The following ARL6 variants were observed in gnomAD, a reference collection of about 807,000 sequenced individuals.
ARL6 encodes ADP-ribosylation factor-like protein 6.
In ARL6, 18 loss-of-function variants were observed where a neutral mutation model predicts 27.1. That is an observed-to-expected ratio of 0.66 (90% confidence interval 0.46 to 0.98). ARL6 has a LOEUF of 0.98. Among genes scored for constraint, ARL6 ranks in the 50% least tolerant of loss-of-function variants. ARL6 has a pLI of 0.00. For missense variants in ARL6, 187 were observed against 214.9 expected (o/e 0.87, Z 0.81); for synonymous variants, 65 against 72.3 (o/e 0.90, Z 0.51).
Position 97,795,646 on chromosome 3 carries a change from G to A in ARL6, c.536-2378G>A, listed in dbSNP as rs2037965551. On this transcript the variant is annotated intron_variant, in intron 7 of 7. Coordinates refer to ENST00000463745, the MANE Select transcript of ARL6 (RefSeq NM_001278293.3). ...AGCTGAATCTTAAACTACCAGTGGG[G>A]AAAGCTGAAAAGCAGCCTAATTTAC... Among the ~76,000 whole-genome samples, 3 of 152,152 alleles carry A rather than the reference G, an allele frequency of 2.0e-5. No homozygotes were observed. The South Asian group carries it at 6.2e-4, about 32-fold the overall frequency.
chr3:97,771,235 T>C (rs2036622752), intron 2 of ARL6, among the ~76,000 whole-genome samples: 1 of 151,902 alleles, frequency 6.6e-6, no homozygotes, highest in South Asian at 2.1e-4. Flanking sequence ...AGATCTTTGG[T>C]TGGATTTATT....
intron 7 of ARL6, among the ~76,000 whole-genome samples, chr3:97,795,089 ATAAAGT>A (rs2037937051): frequency 6.6e-6 from 1 of 152,210 alleles, no homozygotes; most frequent in South Asian, 2.1e-4. Context: ...AAATTTAAAA[ATAAAGT>A]TTAAGGTTAG....
At chr3:97,777,007 C>T (rs898831161) in intron 2 of ARL6, among the ~76,000 whole-genome samples, 1 of 152,206 alleles carries the variant, frequency 6.6e-6, no homozygotes, top group Non-Finnish European at 1.5e-5. Flanking sequence ...CAGTTGATAA[C>T]TTGCATATTC....
intron 2 of ARL6, among the ~76,000 whole-genome samples, chr3:97,772,520 A>G (rs2036683914): frequency 7.1e-6 from 1 of 141,636 alleles, no homozygotes; most frequent in African/African-American, 2.6e-5. Flanking sequence ...TATTTTTGTT[A>G]TGATCTTTAT....
intron 2 of ARL6, among the ~76,000 whole-genome samples, chr3:97,778,469 A>C (rs2108023723): frequency 6.6e-6 from 1 of 152,286 alleles, no homozygotes; most frequent in Middle Eastern, 3.4e-3. Flanking sequence ...CCTTGAATTT[A>C]AATTTCCCAG....
chr3:97,780,253 C>A (rs1309833596), intron 3 of ARL6, 33 bp downstream of exon 3: 13 of 1,551,718 alleles, frequency 8.4e-6, no homozygotes, highest in Admixed American at 1.7e-5. Context: ...AAAAAAGTTG[C>A]TAGTGAAAAA....
intron 5 of ARL6, 118 bp downstream of exon 5, chr3:97,785,167 A>C: frequency 1.3e-6 from 1 of 746,282 alleles, no homozygotes; most frequent in Non-Finnish European, 2.3e-6. Context: ...TTTTGAATTT[A>C]AAACATATAT....
chr3:97,769,021 C>T (rs1009202405), intron 2 of ARL6, among the ~76,000 whole-genome samples: 1 of 151,956 alleles, frequency 6.6e-6, no homozygotes, highest in Admixed American at 6.6e-5. Context: ...ACATCCACTA[C>T]TAGAACATTA....
rs1455454720 is a variant in ARL6, at chr3:97,780,482, CT to C, written c.186-129del. On this transcript the variant is annotated intron_variant, in intron 3 of 7. Transcript: ENST00000463745. ...ATATTAATACATTTATTTCATAGAACTTTTACTTGTAAATTGGCACATGTTG... is the reference window on the plus strand; with the variant it reads ...ATATTAATACATTTATTTCATAGAACTTTACTTGTAAATTGGCACATGTTG... 9 of 795,734 alleles carry C rather than the reference CT, an allele frequency of 1.1e-5. No homozygotes were observed. In the Admixed American group the frequency reaches 2.1e-4, roughly 18 times the overall value. 49.3% of individuals were successfully genotyped at this position (795,734 alleles called of 1,614,324 possible).
rs2037129173 is a variant in ARL6, at chr3:97,780,334, T to C, written c.185+114T>C. 5.6e-6 allele frequency: 5 copies of C among 886,844 alleles called. No individual in the cohort carries two copies. In the South Asian group the frequency reaches 6.7e-5, roughly 12 times the overall value. The allele number at this position is 886,844 out of a possible 1,614,324, so 54.9% of individuals were successfully genotyped here. A position where few individuals can be genotyped will look rare whatever the true frequency, so the allele number is the denominator to read the frequency against. On this transcript the variant is annotated intron_variant, in intron 3 of 7. Transcript: ENST00000463745. Reference sequence around the variant, plus strand: ...AGTAATTTGTTGTTTCAGAATCTCATAGGTATTAAAGTGTTTCTAACCACT... The same window carrying C: ...AGTAATTTGTTGTTTCAGAATCTCACAGGTATTAAAGTGTTTCTAACCACT...
intron 6 of ARL6, among the ~76,000 whole-genome samples, chr3:97,790,888 A>G (rs76852379): frequency 0.014 from 2,095 of 152,232 alleles, 50 homozygotes; most frequent in African/African-American, 0.048. Flanking sequence ...AACCCTAATC[A>G]TTCAGAAACT....
chr3:97,781,447 T>G (rs758860540), intron 4 of ARL6, among the ~76,000 whole-genome samples: 6 of 152,136 alleles, frequency 3.9e-5, no homozygotes, highest in Non-Finnish European at 7.4e-5. Context: ...CACAAACTAC[T>G]GTATTGAAAG....
chr3:97,787,254 T>C (rs2037503779), intron 5 of ARL6, among the ~76,000 whole-genome samples: 2 of 152,136 alleles, frequency 1.3e-5, no homozygotes, highest in African/African-American at 2.4e-5. Context: ...TGTACTGATA[T>C]GGGATCAGAT....
intron 6 of ARL6, among the ~76,000 whole-genome samples, chr3:97,788,607 TTAA>T (rs1405148352): frequency 6.6e-6 from 1 of 152,078 alleles, no homozygotes; most frequent in Non-Finnish European, 1.5e-5. Context: ...TTTCTTCACT[TTAA>T]TAATCCCTAC....
chr3:97,772,045 A>G lies in ARL6; in HGVS notation c.123+3815A>G, dbSNP rs73137083. On this transcript the variant is annotated intron_variant, in intron 2 of 7. Transcript: ENST00000463745. ...TGTCAGATTAATGCCAGTTTTGTAA[A>G]ATGAGTTTGGAAGTGTTTCCTTCTC... Among the ~76,000 whole-genome samples, 761 of 152,204 alleles carry G rather than the reference A, an allele frequency of 5.0e-3. 6 individuals carry two copies. The highest frequency in any genetic ancestry group is 0.01 in the Middle Eastern group (3 of 294).
intron 7 of ARL6, among the ~76,000 whole-genome samples, chr3:97,795,775 T>C (rs2037970683): frequency 6.6e-6 from 1 of 152,176 alleles, no homozygotes; most frequent in Non-Finnish European, 1.5e-5. Flanking sequence ...AAGAGAAAAT[T>C]GAAGGTTTAT....
Position 97,767,051 on chromosome 3 carries a change from C to A in ARL6, c.-27-1030C>A, listed in dbSNP as rs549915817. Reference sequence around the variant, plus strand: ...AAACAGCCATAAAGTTACCACATAGCAAGTTTTATGTACACAGCAGTTTTA... The same window carrying A: ...AAACAGCCATAAAGTTACCACATAGAAAGTTTTATGTACACAGCAGTTTTA... On this transcript the variant is annotated intron_variant, in intron 1 of 7. Coordinates refer to ENST00000463745, the MANE Select transcript of ARL6 (RefSeq NM_001278293.3). Among the ~76,000 whole-genome samples the A allele has an allele frequency of 6.0e-4, 92 of 152,068 alleles. 2 individuals are homozygous for A. Among genetic ancestry groups the A allele is most frequent in the Admixed American group, 4.1e-3 (63 of 15,274 alleles).
In ARL6 at chr3:97,780,510, A is replaced by G; in HGVS notation, c.186-105A>G. 5.5e-6 allele frequency: 5 copies of G among 904,748 alleles called. 1 individual carries two copies. The South Asian group carries it at 7.1e-5, about 13-fold the overall frequency. 56.0% of individuals were successfully genotyped at this position (904,748 alleles called of 1,614,324 possible). A position where few individuals can be genotyped will look rare whatever the true frequency, so the allele number is the denominator to read the frequency against. ...TTACTTGTAAATTGGCACATGTTGA[A>G]TATTGCATATGAAGGGTAATTTCTT... is the stretch of plus-strand genomic sequence containing the variant. On this transcript the variant is annotated intron_variant, in intron 3 of 7. Coordinates refer to ENST00000463745, the MANE Select transcript of ARL6 (RefSeq NM_001278293.3).
intron 4 of ARL6, among the ~76,000 whole-genome samples, chr3:97,783,929 G>C (rs1414268497): frequency 6.6e-6 from 1 of 151,810 alleles, no homozygotes; most frequent in African/African-American, 2.4e-5. Flanking sequence ...AGTGAGAAAA[G>C]TACTGAGTCA....
Sources: gnomAD v4.1 joint callset for allele counts (sites outside exome capture counted in the v4.1 genomes callset) on GRCh38, gnomAD v4.1.1 for gene constraint, MANE v1.5 for transcripts, NCBI Gene and HGNC (gene_info 2026-07-23, HGNC 2026-07-21) for gene names.